BTBD9: variants seen among roughly 807,000 people sequenced by gnomAD.
BTBD9 encodes the protein BTB/POZ domain-containing protein 9.
BTBD9 carries 49 observed loss-of-function variants against 64.3 expected under a neutral mutation model. The observed-to-expected ratio is 0.76, with a 90% confidence interval of 0.61 to 0.97. The LOEUF is 0.97. BTBD9 is among the 50% of genes least tolerant of loss of function. BTBD9 has a pLI of 0.00. For synonymous variants in BTBD9, 260 were observed against 274.7 expected, an observed-to-expected ratio of 0.95 and a Z score of 0.53; for missense variants, 598 against 762.1, an observed-to-expected ratio of 0.78 and a Z score of 2.53.
intron 6 of BTBD9, among the ~76,000 whole-genome samples, chr6:38,427,668 C>A (rs1768235469): frequency 6.6e-6 from 1 of 151,914 alleles, no homozygotes; most frequent in African/African-American, 2.4e-5. Flanking sequence ...TCAAAAAACA[C>A]CCCTGTCAAC....
At chr6:38,511,667 T>C (rs1772782934) in intron 6 of BTBD9, among the ~76,000 whole-genome samples, 1 of 152,004 alleles carries the variant, frequency 6.6e-6, no homozygotes, top group Non-Finnish European at 1.5e-5. Flanking sequence ...GTAGCTTGAA[T>C]CATATCTAAA....
At chr6:38,329,227 T>A (rs1763578243) in intron 7 of BTBD9, among the ~76,000 whole-genome samples, 1 of 152,034 alleles carries the variant, frequency 6.6e-6, no homozygotes, top group Non-Finnish European at 1.5e-5. Context: ...TGCTGAACAT[T>A]TATGTAGAAG....
chr6:38,495,964 GGA>G (rs1176045054), intron 6 of BTBD9, among the ~76,000 whole-genome samples: 2 of 152,162 alleles, frequency 1.3e-5, no homozygotes, highest in Non-Finnish European at 2.9e-5. Context: ...AGAATCCTTT[GGA>G]GAGAAGAGAT....
chr6:38,626,827 A>G (rs1327226671), intron 1 of BTBD9, among the ~76,000 whole-genome samples: 1 of 152,234 alleles, frequency 6.6e-6, no homozygotes, highest in Non-Finnish European at 1.5e-5. Flanking sequence ...TGAAGGCCCT[A>G]AAGAAGCACT....
intron 9 of BTBD9, among the ~76,000 whole-genome samples, chr6:38,253,820 G>A (rs190401203): frequency 3.9e-5 from 6 of 151,930 alleles, no homozygotes; most frequent in East Asian, 1.9e-4. Flanking sequence ...CATCTAGCTC[G>A]GTACAGTCCT....
chr6:38,507,584 T>G (rs1772585097), intron 6 of BTBD9, among the ~76,000 whole-genome samples: 1 of 152,210 alleles, frequency 6.6e-6, no homozygotes, highest in Non-Finnish European at 1.5e-5. Context: ...TCCGTGACAT[T>G]TAATCCTGTT....
At chr6:38,269,266 A>G (rs1200080213) in intron 8 of BTBD9, among the ~76,000 whole-genome samples, 1 of 152,242 alleles carries the variant, frequency 6.6e-6, no homozygotes, top group African/African-American at 2.4e-5. Context: ...ATTCTTATAA[A>G]CAAAAGATAA....
chr6:38,403,538 C>T (rs1767038836), intron 6 of BTBD9, among the ~76,000 whole-genome samples: 1 of 152,090 alleles, frequency 6.6e-6, no homozygotes, highest in Admixed American at 6.5e-5. Flanking sequence ...CTGATATACC[C>T]ACAAGGATGG....
chr6:38,417,801 A>AGACAGAGAGAGAGAGAGAGAGAG (rs56268245), intron 6 of BTBD9, among the ~76,000 whole-genome samples: 1 of 136,948 alleles, frequency 7.3e-6, no homozygotes, highest in African/African-American at 3.1e-5. Flanking sequence ...AGAGAGAGAG[A>AGACAGAGAGAGAGAGAGAGAGAG]AAAAAAATAT....
At chr6:38,529,051 C>T (rs894941657) in intron 6 of BTBD9, among the ~76,000 whole-genome samples, 2 of 152,058 alleles carry the variant, frequency 1.3e-5, no homozygotes, top group Admixed American at 6.5e-5. Flanking sequence ...CTGAAGGGAG[C>T]CCACTGCCCT....
intron 6 of BTBD9, among the ~76,000 whole-genome samples, chr6:38,554,038 T>G (rs1413395716): frequency 2.0e-5 from 3 of 152,148 alleles, no homozygotes; most frequent in Admixed American, 2.0e-4. Flanking sequence ...TTGATCATAC[T>G]AATAAAAGAA....
At chr6:38,322,857 AC>A (rs1479845915) in intron 7 of BTBD9, among the ~76,000 whole-genome samples, 1 of 152,212 alleles carries the variant, frequency 6.6e-6, no homozygotes, top group Non-Finnish European at 1.5e-5. Context: ...CAGCTTAACT[AC>A]CATAATGTAG....
At chr6:38,491,738 T>C (rs1771711096) in intron 6 of BTBD9, among the ~76,000 whole-genome samples, 1 of 151,942 alleles carries the variant, frequency 6.6e-6, no homozygotes. Context: ...CACAAAGCAA[T>C]GAGGCAATGA....
intron 1 of BTBD9, among the ~76,000 whole-genome samples, chr6:38,622,910 C>A (rs1281716418): frequency 6.6e-6 from 1 of 152,320 alleles, no homozygotes; most frequent in East Asian, 1.9e-4. Context: ...CAGCAGCACC[C>A]CCACCACTAA....
intron 6 of BTBD9, among the ~76,000 whole-genome samples, chr6:38,573,215 C>T (rs1775857834): frequency 6.6e-6 from 1 of 152,032 alleles, no homozygotes; most frequent in African/African-American, 2.4e-5. Context: ...AAAACGGTGA[C>T]AGTGTCTGCA....
intron 6 of BTBD9, among the ~76,000 whole-genome samples, chr6:38,521,865 A>T (rs1299568062): frequency 2.6e-5 from 4 of 151,998 alleles, no homozygotes; most frequent in African/African-American, 9.7e-5. Context: ...AGTAGAGACC[A>T]GGTTTCACCA....
intron 4 of BTBD9, among the ~76,000 whole-genome samples, chr6:38,587,110 T>G (rs1472574061): frequency 6.6e-6 from 1 of 151,556 alleles, no homozygotes; most frequent in Non-Finnish European, 1.5e-5. Flanking sequence ...AACCTATTTT[T>G]GGAGATTGGG....
At chr6:38,187,347 C>T (rs963876609) in intron 10 of BTBD9, among the ~76,000 whole-genome samples, 6 of 152,098 alleles carry the variant, frequency 3.9e-5, no homozygotes, top group East Asian at 1.9e-4. Flanking sequence ...AGCTGGCAGC[C>T]GAGACCACCT....
intron 1 of BTBD9, among the ~76,000 whole-genome samples, chr6:38,622,344 T>C (rs1778015487): frequency 6.6e-6 from 1 of 152,200 alleles, no homozygotes; most frequent in Non-Finnish European, 1.5e-5. Flanking sequence ...AGCCTTCCCC[T>C]GCAAGACAGA....
Sources: allele counts gnomAD v4.1 joint callset (sites outside exome capture counted in the v4.1 genomes callset), GRCh38; gene constraint gnomAD v4.1.1; transcripts MANE v1.5; gene names NCBI Gene and HGNC (gene_info 2026-07-23, HGNC 2026-07-21).